Variants in HTT observed in about 807,000 individuals in gnomAD.
HTT encodes huntington disease protein.
In HTT, 104 loss-of-function variants were observed where a neutral mutation model predicts 362.3. The ratio of observed to expected loss-of-function variants is 0.29; its 90% CI spans 0.24 to 0.34. The LOEUF (loss-of-function observed/expected upper bound fraction) is 0.34, where lower values mean the gene tolerates loss of function less well. Among genes scored for constraint, HTT ranks in the 10% least tolerant of loss-of-function variants. The pLI, the probability that HTT is intolerant of heterozygous loss-of-function variation, is 1.00. For missense variants in HTT, 3,301 were observed against 3,928.6 expected (o/e 0.84, Z 4.27); for synonymous variants, 1,577 against 1,548.7 (o/e 1.02, Z -0.43).
intron 8 of HTT, among the ~76,000 whole-genome samples, chr4:3,120,295 T>TACACTACA (rs1179837396): frequency 2.0e-5 from 3 of 152,248 alleles, no homozygotes; most frequent in Non-Finnish European, 4.4e-5. Flanking sequence ...GGGACATACT[T>TACACTACA]ACACTACAAA....
intron 21 of HTT, among the ~76,000 whole-genome samples, chr4:3,140,252 TTC>T (rs1275387029): frequency 2.1e-5 from 3 of 145,914 alleles, no homozygotes; most frequent in Admixed American, 6.8e-5. Context: ...CAGAGTGACA[TTC>T]TGTCTCAAAA....
chr4:3,103,865 C>A lies in HTT; in HGVS notation c.510C>A (p.Leu170=). The A allele has an allele frequency of 6.2e-7, 1 of 1,603,984 alleles. No individual in the cohort carries two copies. Among genetic ancestry groups the A allele is most frequent in the South Asian group, 1.1e-5 (1 of 89,708 alleles). ...ATCTTCCAAGGTTACAGCTCGAGCT[C>A]TATAAGGAAATTAAAAAGGTGGGCC... ...DSNLPRLQLE[L]YKEIKKNGAP... Residue 170 remains leucine, a synonymous_variant, in exon 4 of 67, where the codon CTC becomes CTA. Transcript: ENST00000355072.
chr4:3,094,762 T>C (rs1195816867), intron 2 of HTT, among the ~76,000 whole-genome samples: 2 of 133,846 alleles, frequency 1.5e-5, no homozygotes, highest in Non-Finnish European at 3.2e-5. Flanking sequence ...GGCTCCTCAC[T>C]TCCCGGACGG....
At chr4:3,176,974 C>T (rs1718272347) in intron 33 of HTT, among the ~76,000 whole-genome samples, 1 of 152,218 alleles carries the variant, frequency 6.6e-6, no homozygotes, top group African/African-American at 2.4e-5. Context: ...AGGTCGACTC[C>T]TTTGGGTATC....
At position 3,238,814 on chromosome 4, in the gene HTT, G is replaced by C. The variant is rs1490389925; in HGVS notation, c.9055-4G>C. On this transcript the variant is annotated splice_polypyrimidine_tract_variant and splice_region_variant and intron_variant, in intron 65 of 66. Transcript: ENST00000355072. ...ACACTCAGGCACCTGCTTGCTCCTTGCAGGTGTTTCAGACTCTGCACAGCA... is the reference window on the plus strand; with the variant it reads ...ACACTCAGGCACCTGCTTGCTCCTTCCAGGTGTTTCAGACTCTGCACAGCA... 3 of 1,584,010 alleles carry C rather than the reference G, an allele frequency of 1.9e-6. No individual in the cohort carries two copies. Among genetic ancestry groups the C allele is most frequent in the East Asian group, 4.6e-5 (2 of 43,676 alleles).
chr4:3,177,288 T>C lies in HTT; in HGVS notation c.4408-44T>C, dbSNP rs1718283941. On this transcript the variant is annotated intron_variant, in intron 33 of 66. Transcript: ENST00000355072. ...AGGAAAAGAAGCCTGGTTTTTACAT[T>C]TTAATCCTATTATTGATGTGAAATT... 4 of 1,352,642 alleles carry C rather than the reference T, an allele frequency of 3.0e-6. No individual in the cohort carries two copies. The African/African-American group carries it at 5.8e-5, about 20-fold the overall frequency. The allele number at this position is 1,352,642 out of a possible 1,614,324, so 83.8% of individuals were successfully genotyped here. A position where few individuals can be genotyped will look rare whatever the true frequency, so the allele number is the denominator to read the frequency against.
At position 3,220,253 on chromosome 4, in the gene HTT, G is replaced by A. The variant is rs1461365866; in HGVS notation, c.7314G>A (p.Glu2438=). ...CAGCATTCCCTGAGATCCCCGTGGA[G>A]TTCCTCCAGGAAAAGGAAGTCTTTA... is the stretch of plus-strand genomic sequence containing the variant. ...FGTAFPEIPV[E]FLQEKEVFKE... Residue 2438 remains glutamate (E), a synonymous_variant, in exon 53 of 67, where the codon GAG becomes GAA. Coordinates refer to ENST00000355072, the MANE Select transcript of HTT (RefSeq NM_001388492.1). 2 of 1,614,166 alleles carry A rather than the reference G, an allele frequency of 1.2e-6. No homozygotes were observed. The highest frequency in any genetic ancestry group is 8.5e-7 in the Non-Finnish European group (1 of 1,179,998).
chr4:3,131,260 A>G, intron 14 of HTT, 26 bp from the exon 15 acceptor site: 2 of 1,517,068 alleles, frequency 1.3e-6, no homozygotes, highest in Non-Finnish European at 1.8e-6. Context: ...GTATGAGACA[A>G]ACAAGTGTCA....
intron 40 of HTT, among the ~76,000 whole-genome samples, chr4:3,195,300 C>A (rs1719195326): frequency 6.6e-6 from 1 of 152,178 alleles, no homozygotes; most frequent in African/African-American, 2.4e-5. Flanking sequence ...ATTTCCAATT[C>A]CTGCTTCCAT....
In HTT at chr4:3,186,600, C is replaced by T. The variant is rs1477422567; in HGVS notation, c.4870C>T (p.His1624Tyr). ...ILPMLAKQQM[H>Y]IDSHEALGVL... is the part of the protein sequence containing the mutation. ...TTTGTGGTGTCTAATTCCACAGATG[C>T]ACATTGACTCTCATGAAGCCCTTGG... is the stretch of plus-strand genomic sequence containing the variant. Residue 1624 changes from histidine to tyrosine, a missense_variant, in exon 38 of 67, where the codon CAC becomes TAC. This residue lies in a region of HTT where 2,316 missense variants were observed against 2,658.5 expected (regional missense o/e 0.87). Transcript: ENST00000355072. 1.2e-6 allele frequency: 2 copies of T among 1,612,248 alleles called. No individual in the cohort carries two copies. Among genetic ancestry groups the T allele is most frequent in the South Asian group, 2.2e-5 (2 of 91,050 alleles).
chr4:3,203,438 G>T (rs146322576), intron 41 of HTT, among the ~76,000 whole-genome samples: 1 of 152,274 alleles, frequency 6.6e-6, no homozygotes, highest in Non-Finnish European at 1.5e-5. Flanking sequence ...GAGTCTCAAG[G>T]TTTATAATTC....
intron 3 of HTT, among the ~76,000 whole-genome samples, chr4:3,099,677 G>A: frequency 6.7e-6 from 1 of 149,458 alleles, no homozygotes; most frequent in Non-Finnish European, 1.5e-5. Context: ...GTGCTCTGTT[G>A]TATGGTTTGG....
chr4:3,216,364 C>G (rs1720399305), intron 51 of HTT, among the ~76,000 whole-genome samples: 1 of 152,232 alleles, frequency 6.6e-6, no homozygotes, highest in South Asian at 2.1e-4. Context: ...CCTCCCTACT[C>G]TGCATCTTCC....
intron 19 of HTT, 135 bp from the exon 20 acceptor site, chr4:3,135,769 C>G (rs1346062999): frequency 5.9e-5 from 31 of 528,474 alleles, no homozygotes; most frequent in Non-Finnish European, 1.0e-4. Context: ...AGCCATTGGC[C>G]TTTTTTGTTG....
chr4:3,115,842 C>T (rs1714994882), intron 7 of HTT, among the ~76,000 whole-genome samples: 1 of 152,186 alleles, frequency 6.6e-6, no homozygotes, highest in Non-Finnish European at 1.5e-5. Flanking sequence ...CTGAAGCGAG[C>T]ATGTGGACGT....
chr4:3,152,926 C>T (rs1716970185), intron 26 of HTT, among the ~76,000 whole-genome samples: 1 of 151,690 alleles, frequency 6.6e-6, no homozygotes, highest in South Asian at 2.1e-4. Context: ...GCTGGGATTA[C>T]AGGCGTGAGC....
At chr4:3,137,054 C>T (rs1716105361) in intron 21 of HTT, among the ~76,000 whole-genome samples, 1 of 151,688 alleles carries the variant, frequency 6.6e-6, no homozygotes, top group Non-Finnish European at 1.5e-5. Flanking sequence ...ATTACAGGGG[C>T]ACACCACCAC....
chr4:3,231,319 C>G (rs1721236979), intron 60 of HTT, among the ~76,000 whole-genome samples: 1 of 152,164 alleles, frequency 6.6e-6, no homozygotes, highest in Non-Finnish European at 1.5e-5. Flanking sequence ...AACGACAATG[C>G]TGTCATGACG....
chr4:3,116,112 A>G lies in HTT; in HGVS notation c.917A>G (p.His306Arg). ...TTACTCGTTCCTGTCGAGGATGAAC[A>G]CTCCACTCTGCTGATTCTTGGCGTG... ...LGLLVPVEDE[H>R]STLLILGVLL... Residue 306 changes from histidine to arginine, a missense_variant, in exon 8 of 67, where the codon CAC (histidine) becomes CGC (arginine). Around this residue, in one of 4 missense-constraint regions of HTT, gnomAD observed 2,316 missense variants for 2,658.5 expected, o/e 0.87. Coordinates refer to ENST00000355072, the MANE Select transcript of HTT (RefSeq NM_001388492.1). 6.2e-7 allele frequency: 1 copy of G among 1,612,514 alleles called. No individual in the cohort carries two copies. The highest frequency in any genetic ancestry group is 8.5e-7 in the Non-Finnish European group (1 of 1,179,430).
Sources: allele counts gnomAD v4.1 joint callset (sites outside exome capture counted in the v4.1 genomes callset), GRCh38; gene constraint gnomAD v4.1.1; regional missense constraint gnomAD v4.1.1; transcripts MANE v1.5; gene names NCBI Gene and HGNC (gene_info 2026-07-23, HGNC 2026-07-21).